DPYSL3: variants seen among roughly 807,000 people sequenced by gnomAD.
The protein encoded by DPYSL3 is dihydropyrimidinase-related protein 3.
Under a neutral mutation model 66.1 loss-of-function variants are expected in DPYSL3, and 16 were observed. The ratio of observed to expected loss-of-function variants is 0.24; its 90% confidence interval spans 0.16 to 0.37. The LOEUF (loss-of-function observed/expected upper bound fraction) is 0.37, where lower values mean the gene tolerates loss of function less well. Among genes scored for constraint, DPYSL3 ranks in the 10% least tolerant of loss-of-function variants. DPYSL3 has a pLI of 1.00. For missense variants in DPYSL3, 738 were observed against 916.2 expected, an observed-to-expected ratio of 0.81 and a Z score of 2.51; for synonymous variants, 338 against 345.1, an observed-to-expected ratio of 0.98 and a Z score of 0.23.
In DPYSL3 at chr5:147,509,923, A is replaced by G. The variant is rs1436216480; in HGVS notation, c.-65T>C. 3.4e-6 allele frequency: 5 copies of G among 1,453,872 alleles called. No individual in the cohort carries two copies. The highest frequency in any genetic ancestry group is 4.5e-6 in the Non-Finnish European group (5 of 1,106,002). The allele number at this position is 1,453,872 out of a possible 1,614,324, so 90.1% of individuals were successfully genotyped here. A position where few individuals can be genotyped will look rare whatever the true frequency, so the allele number is the denominator to read the frequency against. On this transcript the variant is annotated 5_prime_UTR_variant, in exon 1 of 14. Coordinates refer to ENST00000343218, the MANE Select transcript of DPYSL3 (RefSeq NM_001197294.2). This position sits in a 1 kb window ranked among gnomAD's most constrained non-coding sequence, Gnocchi z 5.3. ...AGAGGCGGAAAGGGCAGCCGCCGGC[A>G]GCGTGCGCCGAGCCACAGTGACTGT...
chr5:147,451,925 A>G (rs182157064), intron 1 of DPYSL3, among the ~76,000 whole-genome samples: 182 of 152,252 alleles, frequency 1.2e-3, no homozygotes, highest in African/African-American at 4.2e-3. Context: ...GTGCATTGTA[A>G]AAGACCCACG....
At chr5:147,461,659 T>C (rs1017882656) in intron 1 of DPYSL3, among the ~76,000 whole-genome samples, 8 of 152,232 alleles carry the variant, frequency 5.3e-5, no homozygotes, top group South Asian at 2.1e-4. Flanking sequence ...AAGTTCCCAA[T>C]TGACATTGAT....
At chr5:147,499,264 A>T (rs562442200) in intron 1 of DPYSL3, among the ~76,000 whole-genome samples, 2 of 152,356 alleles carry the variant, frequency 1.3e-5, no homozygotes, top group East Asian at 3.9e-4. Context: ...TTGAGCAAAG[A>T]AAAGCCCTCA....
Position 147,394,171 on chromosome 5 carries a change from G to C in DPYSL3, c.1967-48C>G, listed in dbSNP as rs375957017. On this transcript the variant is annotated intron_variant, in intron 13 of 13. Coordinates refer to ENST00000343218, the MANE Select transcript of DPYSL3 (RefSeq NM_001197294.2). Reference sequence around the variant, plus strand: ...AGGGGGAAAAAAAAAACAGAGTGGCGGGTAGGGGGATGTGGGCAAGAGAGA... The same window carrying C: ...AGGGGGAAAAAAAAAACAGAGTGGCCGGTAGGGGGATGTGGGCAAGAGAGA... The C allele has an allele frequency of 3.0e-5, 47 of 1,588,774 alleles. No homozygotes were observed. In the African/African-American group the frequency reaches 4.6e-4, roughly 15 times the overall value.
At chr5:147,397,426 A>G (rs912653813) in intron 12 of DPYSL3, among the ~76,000 whole-genome samples, 1 of 152,200 alleles carries the variant, frequency 6.6e-6, no homozygotes, top group Non-Finnish European at 1.5e-5. Context: ...TATTTTTAAT[A>G]AAGTACTATA....
chr5:147,484,294 C>G (rs59837085), intron 1 of DPYSL3, among the ~76,000 whole-genome samples: 1 of 152,228 alleles, frequency 6.6e-6, no homozygotes, highest in Non-Finnish European at 1.5e-5. Context: ...GGCTTTTCCC[C>G]TTCATAGCCC....
chr5:147,477,561 C>A lies in DPYSL3; in HGVS notation c.381+31917G>T, dbSNP rs1169208384. Among the ~76,000 whole-genome samples, 7 of 64,762 alleles carry A rather than the reference C, an allele frequency of 1.1e-4. No homozygotes were observed. The East Asian group carries it at 3.2e-3, about 29-fold the overall frequency. The allele number at this position is 64,762 out of a possible 152,430, so 42.5% of individuals were successfully genotyped here. A position where few individuals can be genotyped will look rare whatever the true frequency, so the allele number is the denominator to read the frequency against. On this transcript the variant is annotated intron_variant, in intron 1 of 13. Coordinates refer to ENST00000343218, the MANE Select transcript of DPYSL3 (RefSeq NM_001197294.2). ...GAAGGAAAAATAAAAACACCTAAAT[C>A]TTTTTTTTTTTTTTTTTTTTTTTTT...
intron 1 of DPYSL3, among the ~76,000 whole-genome samples, chr5:147,436,231 C>T (rs1326844555): frequency 6.6e-6 from 1 of 152,138 alleles, no homozygotes; most frequent in African/African-American, 2.4e-5. Flanking sequence ...CAGGAAATAC[C>T]CAGCCCAGGC....
chr5:147,413,513 T>C, intron 5 of DPYSL3, 83 bp downstream of exon 5: 1 of 1,099,306 alleles, frequency 9.1e-7, no homozygotes, highest in East Asian at 2.4e-5. Flanking sequence ...ACCACAGTGA[T>C]TCATGTTACA....
chr5:147,443,973 A>G (rs919755746), intron 1 of DPYSL3, among the ~76,000 whole-genome samples: 1 of 152,138 alleles, frequency 6.6e-6, no homozygotes, highest in African/African-American at 2.4e-5. Context: ...CCCTTGCAGA[A>G]GAGGGGCACC....
At chr5:147,449,731 G>A (rs1450293329) in intron 1 of DPYSL3, among the ~76,000 whole-genome samples, 7 of 152,186 alleles carry the variant, frequency 4.6e-5, no homozygotes, top group Admixed American at 2.6e-4. Context: ...ATCTGTGGAG[G>A]TTCTAATATG....
intron 1 of DPYSL3, among the ~76,000 whole-genome samples, chr5:147,439,101 T>G (rs1044164988): frequency 6.6e-6 from 1 of 152,236 alleles, no homozygotes; most frequent in Non-Finnish European, 1.5e-5. Flanking sequence ...ATTCATTCAT[T>G]CCTTCATCTA....
At chr5:147,430,094 AG>A (rs1561784896) in intron 1 of DPYSL3, among the ~76,000 whole-genome samples, 1 of 152,150 alleles carries the variant, frequency 6.6e-6, no homozygotes, top group Non-Finnish European at 1.5e-5. Flanking sequence ...TGAAAGAGAG[AG>A]GAACAAAGAA....
At chr5:147,450,687 A>G (rs895773117) in intron 1 of DPYSL3, among the ~76,000 whole-genome samples, 9 of 152,172 alleles carry the variant, frequency 5.9e-5, no homozygotes, top group Non-Finnish European at 1.0e-4. Context: ...GGGCAATAAA[A>G]ATAGGTGGAA....
chr5:147,478,430 G>C (rs957343803), intron 1 of DPYSL3, among the ~76,000 whole-genome samples: 1 of 152,216 alleles, frequency 6.6e-6, no homozygotes, highest in Non-Finnish European at 1.5e-5. Flanking sequence ...AAGAAGTATG[G>C]TGTAAGAAGA....
intron 1 of DPYSL3, among the ~76,000 whole-genome samples, chr5:147,475,519 A>G (rs1753143999): frequency 6.6e-6 from 1 of 152,174 alleles, no homozygotes; most frequent in Non-Finnish European, 1.5e-5. Context: ...AAACAACTTC[A>G]TCACAGCAAA....
chr5:147,408,157 A>T (rs1751756872), intron 7 of DPYSL3, among the ~76,000 whole-genome samples: 1 of 152,180 alleles, frequency 6.6e-6, no homozygotes, highest in African/African-American at 2.4e-5. Flanking sequence ...TTTCAGGTAC[A>T]TGGGCAGCCA....
intron 1 of DPYSL3, among the ~76,000 whole-genome samples, chr5:147,459,553 A>G (rs1361318491): frequency 6.6e-6 from 1 of 152,186 alleles, no homozygotes; most frequent in African/African-American, 2.4e-5. Context: ...TACACATTGA[A>G]TACAGAAATA....
chr5:147,499,856 C>G (rs1337140460), intron 1 of DPYSL3, among the ~76,000 whole-genome samples: 1 of 152,148 alleles, frequency 6.6e-6, no homozygotes, highest in Admixed American at 6.5e-5. Context: ...AACAGACAAG[C>G]TTGGAACAAA....
Sources: allele counts gnomAD v4.1 joint callset (sites outside exome capture counted in the v4.1 genomes callset), GRCh38; gene constraint gnomAD v4.1.1; non-coding constraint Gnocchi (gnomAD v3.1); transcripts MANE v1.5; gene names NCBI Gene and HGNC (gene_info 2026-07-23, HGNC 2026-07-21).